The following TUSC3 variants were observed in gnomAD, a reference collection of about 807,000 sequenced individuals.
The protein encoded by TUSC3 is dolichyl-diphosphooligosaccharide--protein glycosyltransferase subunit TUSC3.
A neutral mutation model predicts 44.8 loss-of-function variants in TUSC3; 45 were observed. The observed-to-expected ratio is 1.00, with a 90% CI of 0.79 to 1.29. TUSC3 has a LOEUF of 1.29. Ranked by LOEUF, TUSC3 falls within the 50% of genes most tolerant of loss-of-function variation. TUSC3 has a pLI of 0.00. For missense variants in TUSC3, 519 were observed against 437.9 expected (o/e 1.19, Z -1.65); for synonymous variants, 212 against 152.9 (o/e 1.39, Z -2.85).
At chr8:15,724,764 A>C (rs1442138089) in intron 6 of TUSC3, among the ~76,000 whole-genome samples, 1 of 152,178 alleles carries the variant, frequency 6.6e-6, no homozygotes, top group Admixed American at 6.6e-5. Context: ...TGATGTTTTC[A>C]AGGAGGGTGA....
rs1288113903 is a variant in TUSC3, at chr8:15,603,632, T to A, written c.139-19448T>A. 2.6e-5 allele frequency among the ~76,000 whole-genome samples: 4 copies of A among 151,712 alleles called. No homozygotes were observed. In the East Asian group the frequency reaches 7.7e-4, roughly 29 times the overall value. On this transcript the variant is annotated intron_variant, in intron 1 of 10. Coordinates refer to ENST00000503731, the MANE Select transcript of TUSC3 (RefSeq NM_006765.4). ...TGGTAATATTTTTATGAAGAAATTT[T>A]ATAACAAGAATTTAGTGACAGGTCT...
At chr8:15,752,420 A>G (rs1024308421) in intron 9 of TUSC3, among the ~76,000 whole-genome samples, 6 of 152,010 alleles carry the variant, frequency 3.9e-5, no homozygotes, top group Non-Finnish European at 8.8e-5. Flanking sequence ...GAAAAGGAAG[A>G]TATATACACA....
rs1462004774 is a variant in TUSC3, at chr8:15,765,557, G to C, written c.*1401G>C. On this transcript the variant is annotated 3_prime_UTR_variant, in exon 11 of 11. Coordinates refer to ENST00000503731, the MANE Select transcript of TUSC3 (RefSeq NM_006765.4). ...AGGCCTACTGGGGCATGTTTATCAA[G>C]TTATATCCCAGGGCAATGTGTATGC... 1 of 152,090 alleles carries C rather than the reference G, an allele frequency of 6.6e-6. No individual in the cohort carries two copies. The highest frequency in any genetic ancestry group is 2.1e-4 in the South Asian group (1 of 4,832). The allele number at this position is 152,090 out of a possible 1,614,324, so 9.4% of individuals were successfully genotyped here. A position where few individuals can be genotyped will look rare whatever the true frequency, so the allele number is the denominator to read the frequency against.
the TUSC3 span, among the ~76,000 whole-genome samples, chr8:15,844,852 A>G: frequency 7.5e-3 from 1,135 of 152,262 alleles, 14 homozygotes; most frequent in African/African-American, 0.026. Flanking sequence ...CATTAAAGCA[A>G]TTTAATGTGG....
In TUSC3 at chr8:15,444,510, C is replaced by G. The variant is rs115479537; in HGVS notation, n.91+27205C>G. Among the ~76,000 whole-genome samples, 566 of 152,248 alleles carry G rather than the reference C, an allele frequency of 3.7e-3. 5 individuals carry two copies. The highest frequency in any genetic ancestry group is 0.013 in the African/African-American group (544 of 41,554). On this transcript the variant is annotated intron_variant and non_coding_transcript_variant, in intron 1 of 5. Coordinates refer to the TUSC3 transcript ENST00000503191. The stretch of plus-strand genomic sequence containing the variant: ...CTGTAGGCAGACCAGGGTAATGAGA[C>G]ATTACCTGGGGATGGTGGAAGATGA...
intron 2 of TUSC3, among the ~76,000 whole-genome samples, chr8:15,501,936 A>C (rs1350868382): frequency 6.6e-6 from 1 of 152,210 alleles, no homozygotes; most frequent in Non-Finnish European, 1.5e-5. Flanking sequence ...CTCTGGAAGT[A>C]ACGACTGATA....
At chr8:15,749,654 T>C (rs192871595) in intron 9 of TUSC3, among the ~76,000 whole-genome samples, 173 of 151,832 alleles carry the variant, frequency 1.1e-3, no homozygotes, top group African/African-American at 4.0e-3. Flanking sequence ...ACTCTTGACT[T>C]TAGAGAGCCA....
chr8:15,456,104 A>G (rs1388038795), intron 1 of TUSC3, among the ~76,000 whole-genome samples: 1 of 152,208 alleles, frequency 6.6e-6, no homozygotes, highest in Non-Finnish European at 1.5e-5. Context: ...ACCAATCAGC[A>G]GCAAGCAGCA....
intron 7 of TUSC3, among the ~76,000 whole-genome samples, chr8:15,742,829 T>C (rs1271996602): frequency 2.0e-5 from 3 of 152,230 alleles, no homozygotes; most frequent in Admixed American, 6.5e-5. Flanking sequence ...TGTAATGACA[T>C]GGCAAAGAAT....
chr8:15,813,484 T>C, the TUSC3 span, among the ~76,000 whole-genome samples: 1 of 150,708 alleles, frequency 6.6e-6, no homozygotes, highest in African/African-American at 2.5e-5. Context: ...GGTTCTTTCC[T>C]GAGCTTACTA....
Position 15,490,927 on chromosome 8 carries a change from G to GA in TUSC3, n.189+7450dup, listed in dbSNP as rs543366679. On this transcript the variant is annotated intron_variant and non_coding_transcript_variant, in intron 2 of 5. Coordinates refer to the TUSC3 transcript ENST00000503191. ...GGAAAAAAGGAACACAAAACTATCAGAAAAAATTACAGTGCTCCATGCTTT... is the reference window on the plus strand; with the variant it reads ...GGAAAAAAGGAACACAAAACTATCAGAAAAAAATTACAGTGCTCCATGCTTT... Among the ~76,000 whole-genome samples the GA allele has an allele frequency of 1.3e-3, 196 of 152,268 alleles. 1 individual carries two copies. The highest frequency in any genetic ancestry group is 3.8e-3 in the African/African-American group (158 of 41,566).
chr8:15,472,722 G>C (rs1478542747), intron 1 of TUSC3, among the ~76,000 whole-genome samples: 1 of 152,126 alleles, frequency 6.6e-6, no homozygotes, highest in Non-Finnish European at 1.5e-5. Flanking sequence ...AATTATAAAT[G>C]TTTTATTTCA....
chr8:15,576,144 T>G (rs989866208), intron 1 of TUSC3, among the ~76,000 whole-genome samples: 13 of 151,720 alleles, frequency 8.6e-5, no homozygotes, highest in African/African-American at 2.9e-4. Context: ...AGTTTTTGAA[T>G]GATGTGTGCA....
intron 6 of TUSC3, among the ~76,000 whole-genome samples, chr8:15,699,001 T>C (rs1188200950): frequency 6.6e-6 from 1 of 151,962 alleles, no homozygotes; most frequent in Non-Finnish European, 1.5e-5. Context: ...TGCATGCCAC[T>C]GCACCCAACT....
chr8:15,740,527 A>G (rs1190645289), intron 7 of TUSC3, among the ~76,000 whole-genome samples: 2 of 150,712 alleles, frequency 1.3e-5, no homozygotes, highest in Non-Finnish European at 3.0e-5. Flanking sequence ...GGAAAAAAAA[A>G]GAACAAGCAG....
At chr8:15,496,344 C>T (rs540996506) in intron 2 of TUSC3, among the ~76,000 whole-genome samples, 5 of 152,288 alleles carry the variant, frequency 3.3e-5, no homozygotes, top group African/African-American at 1.2e-4. Flanking sequence ...TATTCCACGC[C>T]TCTAGGGGCC....
chr8:15,706,923 A>G (rs933708909), intron 6 of TUSC3, among the ~76,000 whole-genome samples: 2 of 151,988 alleles, frequency 1.3e-5, no homozygotes, highest in South Asian at 2.1e-4. Context: ...TCAGCCACCC[A>G]GAGCAACATA....
At chr8:15,475,959 C>G (rs111417980) in intron 1 of TUSC3, among the ~76,000 whole-genome samples, 2 of 152,112 alleles carry the variant, frequency 1.3e-5, no homozygotes, top group African/African-American at 4.8e-5. Flanking sequence ...TAGAACAGGA[C>G]TTCTGGAATT....
chr8:15,526,157 C>G (rs1423164056), intron 2 of TUSC3, among the ~76,000 whole-genome samples: 1 of 151,958 alleles, frequency 6.6e-6, no homozygotes, highest in Non-Finnish European at 1.5e-5. Context: ...CTCAGCCTCC[C>G]GAGTAGCTGT....
Sources: allele counts gnomAD v4.1 joint callset (sites outside exome capture counted in the v4.1 genomes callset), GRCh38; gene constraint gnomAD v4.1.1; transcripts MANE v1.5; gene names NCBI Gene and HGNC (gene_info 2026-07-23, HGNC 2026-07-21).